MAEL: variants seen among roughly 807,000 people sequenced by gnomAD.
MAEL encodes maelstrom spermatogenic transposon silencer.
MAEL carries 46 observed loss-of-function variants against 62.0 expected under a neutral mutation model. The observed-to-expected ratio is 0.74, with a 90% CI of 0.59 to 0.95. MAEL has a LOEUF of 0.95. MAEL is among the 40% of genes least tolerant of loss of function. The pLI, the probability that MAEL is intolerant of heterozygous loss-of-function variation, is 0.00. For missense variants in MAEL, 497 were observed against 526.8 expected (o/e 0.94, Z 0.55); for synonymous variants, 172 against 175.5 (o/e 0.98, Z 0.16).
intron 8 of MAEL, among the ~76,000 whole-genome samples, chr1:167,015,625 G>A (rs989010578): frequency 6.6e-5 from 10 of 151,936 alleles, no homozygotes; most frequent in African/African-American, 2.2e-4. Flanking sequence ...AATTATTTCC[G>A]TCATTTCCTC....
intron 1 of MAEL, among the ~76,000 whole-genome samples, chr1:166,982,052 A>G (rs192562743): frequency 5.9e-5 from 9 of 152,318 alleles, no homozygotes; most frequent in Admixed American, 2.6e-4. Flanking sequence ...GCACGAAGAG[A>G]ATGCTAACAT....
In MAEL at chr1:166,991,467, A is replaced by G. The variant is rs753338076; in HGVS notation, c.315A>G (p.Lys105=). ...SPPDMSALSL[K]GDQALLGGIF... is the part of the protein sequence containing the mutation. ...CAGATATGTCAGCTTTGTCTTTAAA[A>G]GGTGATCAAGGTAGAGTAATCCTGA... The change falls in exon 3 of 12, where the codon AAA becomes AAG. Residue 105 remains lysine, a synonymous_variant. Transcript: ENST00000367872. 1.9e-5 allele frequency: 30 copies of G among 1,602,090 alleles called. No homozygotes were observed. Among genetic ancestry groups the G allele is most frequent in the Admixed American group, 3.3e-5 (2 of 59,996 alleles).
chr1:167,012,016 A>G (rs1665189703), intron 8 of MAEL, among the ~76,000 whole-genome samples: 1 of 152,208 alleles, frequency 6.6e-6, no homozygotes, highest in African/African-American at 2.4e-5. Flanking sequence ...GCACTTTACT[A>G]AACTTCTTTG....
At chr1:166,982,777 C>G (rs920842966) in intron 1 of MAEL, among the ~76,000 whole-genome samples, 1 of 152,212 alleles carries the variant, frequency 6.6e-6, no homozygotes, top group East Asian at 1.9e-4. Flanking sequence ...ACCTCCCTCT[C>G]TAATATTCTC....
chr1:167,006,317 C>T (rs891898914), intron 8 of MAEL, among the ~76,000 whole-genome samples: 3 of 151,988 alleles, frequency 2.0e-5, no homozygotes, highest in African/African-American at 4.8e-5. Flanking sequence ...AACAGTTCTT[C>T]AGTCTTATTT....
At chr1:167,009,591 T>G (rs1055193044) in intron 8 of MAEL, among the ~76,000 whole-genome samples, 1 of 67,094 alleles carries the variant, frequency 1.5e-5, no homozygotes, top group Non-Finnish European at 2.8e-5. Flanking sequence ...TTTCTGGAGA[T>G]TTTTTTTTTT....
At position 166,989,440 on chromosome 1, in the gene MAEL, G is replaced by C. The variant is rs1664060465; in HGVS notation, c.88G>C (p.Ala30Pro). The change falls in exon 1 of 12, where the codon GCT (alanine) becomes CCT (proline). Residue 30 changes from alanine (A) to proline (P), a missense_variant. Coordinates refer to ENST00000367872, the MANE Select transcript of MAEL (RefSeq NM_032858.3). ...PELRRRGLPVARVADAIPYCS... is the reference protein window; with the variant it reads ...PELRRRGLPVPRVADAIPYCS... Reference sequence around the variant, plus strand: ...ACTACGGCGACGAGGCCTGCCTGTGGCTCGCGTTGCTGATGCCATCCCTTA... The same window carrying C: ...ACTACGGCGACGAGGCCTGCCTGTGCCTCGCGTTGCTGATGCCATCCCTTA... The C allele has an allele frequency of 6.9e-6, 11 of 1,591,750 alleles. No individual in the cohort carries two copies. The highest frequency in any genetic ancestry group is 6.8e-6 in the Non-Finnish European group (8 of 1,169,510).
intron 5 of MAEL, among the ~76,000 whole-genome samples, chr1:167,003,089 T>C (rs1400997895): frequency 2.0e-5 from 3 of 152,128 alleles, no homozygotes; most frequent in African/African-American, 4.8e-5. Flanking sequence ...CTGCATCTCT[T>C]TGGGGGAGAG....
rs1478556173 is a variant in MAEL at position 167,021,714 on chromosome 1, T to C, written c.1164T>C (p.Val388=). The C allele has an allele frequency of 1.2e-6, 2 of 1,612,938 alleles. No homozygotes were observed. Among genetic ancestry groups the C allele is most frequent in the East Asian group, 2.2e-5 (1 of 44,840 alleles). ...RAKISGQNSS[V]RGRGITRLLE... is the part of the protein sequence containing the mutation. The stretch of plus-strand genomic sequence containing the variant: ...AAATTTCTGGCCAAAACAGCAGCGT[T>C]CGGGGAAGAGGAATTACCCGCTTAC... Residue 388 remains valine (V), a synonymous_variant, in exon 12 of 12, where the codon GTT becomes GTC. Transcript: ENST00000367872.
At chr1:166,999,763 T>C (rs1664583135) in intron 5 of MAEL, among the ~76,000 whole-genome samples, 2 of 152,220 alleles carry the variant, frequency 1.3e-5, no homozygotes, top group Non-Finnish European at 2.9e-5. Flanking sequence ...ATTCTCTTGT[T>C]AGTGACTAAT....
intron 1 of MAEL, among the ~76,000 whole-genome samples, chr1:166,980,736 C>T (rs1208967672): frequency 6.6e-6 from 1 of 152,112 alleles, no homozygotes; most frequent in African/African-American, 2.4e-5. Flanking sequence ...CCTTTGGAGA[C>T]CAGAAGAGCA....
chr1:166,992,852 A>G lies in MAEL; in HGVS notation c.481+11A>G. On this transcript the variant is annotated intron_variant, in intron 4 of 11. Transcript: ENST00000367872. ...GTTTTATAAATCCTGGTAAGTAGTC[A>G]GAGTAGATGCTAGATCTTAAACGTG... 1 of 1,571,422 alleles carries G rather than the reference A, an allele frequency of 6.4e-7. No homozygotes were observed. The highest frequency in any genetic ancestry group is 8.6e-7 in the Non-Finnish European group (1 of 1,166,334).
intron 4 of MAEL, 25 bp downstream of exon 4, chr1:166,992,866 A>G (rs1664253317): frequency 6.5e-7 from 1 of 1,534,554 alleles, no homozygotes; most frequent in Non-Finnish European, 8.7e-7. Flanking sequence ...TAGATGCTAG[A>G]TCTTAAACGT....
chr1:166,989,552 G>T, intron 1 of MAEL, 68 bp downstream of exon 1: 1 of 1,546,888 alleles, frequency 6.5e-7, no homozygotes, highest in Non-Finnish European at 8.8e-7. Flanking sequence ...AGGCGGGAGG[G>T]CAGAAGGCCT....
At chr1:167,003,097 G>T (rs1334903364) in intron 5 of MAEL, among the ~76,000 whole-genome samples, 1 of 152,076 alleles carries the variant, frequency 6.6e-6, no homozygotes, top group African/African-American at 2.4e-5. Context: ...CTTTGGGGGA[G>T]AGTAAAGGGG....
At position 166,980,860 on chromosome 1, in the gene MAEL, G is replaced by A. The variant is rs143787707; in HGVS notation, c.-121+5194G>A. 6.6e-5 allele frequency among the ~76,000 whole-genome samples: 10 copies of A among 152,274 alleles called. No individual in the cohort carries two copies. In the East Asian group the frequency reaches 1.7e-3, roughly 26 times the overall value. On this transcript the variant is annotated intron_variant, in intron 1 of 12. Transcript: ENST00000622874. Reference sequence around the variant, plus strand: ...TAACTGGCTGCCCTACAGTTTACACGATGAAGCTGCCTTGGGCTCTGGGTC... The same window carrying A: ...TAACTGGCTGCCCTACAGTTTACACAATGAAGCTGCCTTGGGCTCTGGGTC...
At chr1:166,992,878 T>C (rs749565097) in intron 4 of MAEL, 37 bp downstream of exon 4, 3 of 1,505,638 alleles carry the variant, frequency 2.0e-6, no homozygotes, top group South Asian at 2.6e-5. Flanking sequence ...CTTAAACGTG[T>C]ATGGTTTTTT....
chr1:167,016,416 A>G, intron 9 of MAEL, 132 bp downstream of exon 9: 2 of 754,586 alleles, frequency 2.7e-6, no homozygotes, highest in Admixed American at 4.5e-5. Flanking sequence ...AAAGGGGGTC[A>G]AATCAAAACT....
intron 8 of MAEL, among the ~76,000 whole-genome samples, chr1:167,007,390 A>G (rs1664960057): frequency 6.6e-6 from 1 of 151,922 alleles, no homozygotes; most frequent in South Asian, 2.1e-4. Flanking sequence ...CCTATCTTGT[A>G]CTTTCTTTGT....
Sources: gnomAD v4.1 joint callset for allele counts (sites outside exome capture counted in the v4.1 genomes callset) on GRCh38, gnomAD v4.1.1 for gene constraint, MANE v1.5 for transcripts, NCBI Gene and HGNC (gene_info 2026-07-23, HGNC 2026-07-21) for gene names.